The following ATAD1 variants were observed in gnomAD, a reference collection of about 807,000 sequenced individuals.
The protein encoded by ATAD1 is outer mitochondrial transmembrane helix translocase.
In ATAD1, 18 loss-of-function variants were observed where a neutral mutation model predicts 42.7. The ratio of observed to expected loss-of-function variants is 0.42; its 90% CI spans 0.29 to 0.63. The LOEUF is 0.63. Among genes scored for constraint, ATAD1 ranks in the 20% least tolerant of loss-of-function variants. The pLI is 0.19. For missense variants in ATAD1, 294 were observed against 440.4 expected (o/e 0.67, Z 2.98); for synonymous variants, 132 against 143.1 (o/e 0.92, Z 0.55).
chr10:87,828,374 A>T (rs1322813933), intron 1 of ATAD1, among the ~76,000 whole-genome samples: 1 of 152,250 alleles, frequency 6.6e-6, no homozygotes, highest in Non-Finnish European at 1.5e-5. Context: ...TGGTCTGGGT[A>T]GAAGATCTAA....
chr10:87,770,854 C>A (rs1439660867), intron 7 of ATAD1, 98 bp downstream of exon 7: 11 of 1,018,628 alleles, frequency 1.1e-5, no homozygotes, highest in South Asian at 9.5e-5. Context: ...GTCATAAGCA[C>A]CCCTATATGA....
intron 7 of ATAD1, among the ~76,000 whole-genome samples, chr10:87,767,990 A>C (rs1854844274): frequency 6.6e-6 from 1 of 152,132 alleles, no homozygotes; most frequent in South Asian, 2.1e-4. Context: ...TTAATGAGTA[A>C]ATGAATATCT....
intron 4 of ATAD1, among the ~76,000 whole-genome samples, chr10:87,786,162 ATAATT>A (rs1477474513): frequency 1.1e-4 from 16 of 152,230 alleles, no homozygotes; most frequent in African/African-American, 3.6e-4. Flanking sequence ...TTTTGATCAC[ATAATT>A]TAATATAGAA....
At chr10:87,811,715 C>T (rs756931596) in intron 2 of ATAD1, among the ~76,000 whole-genome samples, 8 of 152,110 alleles carry the variant, frequency 5.3e-5, no homozygotes, top group Admixed American at 3.3e-4. Flanking sequence ...ACCATATGGC[C>T]TACTCACTGT....
chr10:87,800,186 A>C (rs192823301), intron 2 of ATAD1, among the ~76,000 whole-genome samples: 6 of 151,926 alleles, frequency 3.9e-5, no homozygotes, highest in African/African-American at 1.4e-4. Flanking sequence ...AATTATGTCT[A>C]TATATATATA....
At position 87,784,616 on chromosome 10, in the gene ATAD1, G is replaced by A; in HGVS notation, c.437C>T (p.Thr146Ile). The change falls in exon 5 of 10, where the codon ACA becomes ATA. Residue 146 changes from threonine to isoleucine, a missense_variant. Around this residue, in one of 3 missense-constraint regions of ATAD1, gnomAD observed 121 missense variants for 187.3 expected, o/e 0.65. Transcript: ENST00000680024. ...AAATCGACAGCCTGCTTCTTTGGCT[G>A]TGGCCTTGGCAATCAACGTTTTACC... Reference protein sequence around the residue: ...GCGKTLIAKATAKEAGCRFIN... With the variant: ...GCGKTLIAKAIAKEAGCRFIN... 1 of 1,613,232 alleles carries A rather than the reference G, an allele frequency of 6.2e-7. No individual in the cohort carries two copies. Among genetic ancestry groups the A allele is most frequent in the Non-Finnish European group, 8.5e-7 (1 of 1,179,872 alleles).
rs1481453362 is a variant in ATAD1, at chr10:87,754,690, A to G, written c.1083T>C (p.Asp361=). The G allele has an allele frequency of 1.9e-6, 3 of 1,612,524 alleles. No individual in the cohort carries two copies. Among genetic ancestry groups the G allele is most frequent in the Non-Finnish European group, 2.5e-6 (3 of 1,179,514 alleles). Reference sequence around the variant, plus strand: ...ACTGTACAAATGATCTTTACTCTTAATCTAAACAAACATGTGTTAAAACAT... The same window carrying G: ...ACTGTACAAATGATCTTTACTCTTAGTCTAAACAAACATGTGTTAAAACAT... ...FQNVLTHVCL[D] The change falls in exon 10 of 10, where the codon GAT becomes GAC. Residue 361 remains aspartate, a synonymous_variant. Coordinates refer to ENST00000680024, the MANE Select transcript of ATAD1 (RefSeq NM_001321967.2).
intron 1 of ATAD1, among the ~76,000 whole-genome samples, chr10:87,832,595 T>C (rs1857853064): frequency 6.6e-6 from 1 of 152,110 alleles, no homozygotes. Context: ...TATTTTGACT[T>C]TTCTAATGAT....
upstream of ATAD1, chr10:87,818,275 A>T: frequency 1.0e-6 from 1 of 984,568 alleles, no homozygotes; most frequent in Non-Finnish European, 1.2e-6. Context: ...ACTCCCTCCC[A>T]CGGAGCATGC....
intron 1 of ATAD1, among the ~76,000 whole-genome samples, chr10:87,829,440 G>C (rs1857789900): frequency 6.6e-6 from 1 of 151,888 alleles, no homozygotes; most frequent in South Asian, 2.1e-4. Flanking sequence ...TATTTTAGTA[G>C]AGACAGGGTT....
At chr10:87,767,023 TA>T (rs997096773) in intron 8 of ATAD1, among the ~76,000 whole-genome samples, 1 of 151,994 alleles carries the variant, frequency 6.6e-6, no homozygotes, top group African/African-American at 2.4e-5. Context: ...CAGGAAAGGT[TA>T]AAAAAATGCA....
chr10:87,778,916 C>T (rs962523998), intron 5 of ATAD1, among the ~76,000 whole-genome samples: 5 of 152,128 alleles, frequency 3.3e-5, no homozygotes, highest in Admixed American at 1.3e-4. Flanking sequence ...AACTATAAAA[C>T]TTCTAGGAAA....
upstream of ATAD1, chr10:87,818,309 AG>A: frequency 1.0e-6 from 1 of 964,160 alleles, no homozygotes; most frequent in Non-Finnish European, 1.2e-6. Context: ...GCCGGCGCGG[AG>A]GGGGCGTGCT....
At chr10:87,798,470 T>G (rs1856506992) in intron 2 of ATAD1, among the ~76,000 whole-genome samples, 1 of 152,110 alleles carries the variant, frequency 6.6e-6, no homozygotes, top group African/African-American at 2.4e-5. Flanking sequence ...TCTCTTTCTG[T>G]GTCTTTCATT....
At chr10:87,813,385 A>C (rs11202569) in intron 2 of ATAD1, among the ~76,000 whole-genome samples, 2,839 of 151,206 alleles carry the variant, frequency 0.019, 82 homozygotes, top group African/African-American at 0.064. Flanking sequence ...CCCTGGTCAG[A>C]CTTCCCAGAG....
chr10:87,809,127 T>C (rs886796682), intron 2 of ATAD1, among the ~76,000 whole-genome samples: 104 of 152,350 alleles, frequency 6.8e-4, no homozygotes, highest in African/African-American at 2.5e-3. Context: ...TGCATATTTT[T>C]CTAAGGGTTT....
At chr10:87,795,927 G>A (rs1468401753) in intron 2 of ATAD1, among the ~76,000 whole-genome samples, 1 of 152,114 alleles carries the variant, frequency 6.6e-6, no homozygotes, top group Non-Finnish European at 1.5e-5. Flanking sequence ...TTAGAAACAA[G>A]GACAACCTCT....
intron 4 of ATAD1, among the ~76,000 whole-genome samples, chr10:87,787,794 TTAAATA>T (rs1434873753): frequency 2.0e-5 from 3 of 152,326 alleles, no homozygotes; most frequent in East Asian, 1.9e-4. Flanking sequence ...TTAAATCTAC[TTAAATA>T]TAAAGTACTT....
intron 8 of ATAD1, among the ~76,000 whole-genome samples, chr10:87,760,328 G>T (rs1854425519): frequency 6.6e-6 from 1 of 152,072 alleles, no homozygotes; most frequent in African/African-American, 2.4e-5. Context: ...GTTCTCTCAA[G>T]ATCTGATGGT....
Sources: allele counts gnomAD v4.1 joint callset (sites outside exome capture counted in the v4.1 genomes callset), GRCh38; gene constraint gnomAD v4.1.1; regional missense constraint gnomAD v4.1.1; transcripts MANE v1.5; gene names NCBI Gene and HGNC (gene_info 2026-07-23, HGNC 2026-07-21).